SLC25A21: variants seen among roughly 807,000 people sequenced by gnomAD.
SLC25A21 encodes mitochondrial 2-oxodicarboxylate carrier.
In SLC25A21, 47 loss-of-function variants were observed where a neutral mutation model predicts 43.8. The ratio of observed to expected loss-of-function variants is 1.07; its 90% confidence interval spans 0.85 to 1.37. The LOEUF (loss-of-function observed/expected upper bound fraction) is 1.37. Among genes scored for constraint, SLC25A21 ranks in the 40% most tolerant of loss-of-function variants. The probability of loss-of-function intolerance (pLI) is 0.00; values close to 1 mark genes in which losing one functional copy is unlikely to be tolerated. For synonymous variants in SLC25A21, 131 were observed against 121.3 expected, an observed-to-expected ratio of 1.08 and a Z score of -0.52; for missense variants, 352 against 350.2, an observed-to-expected ratio of 1.00 and a Z score of -0.04.
chr14:36,743,139 A>AG (rs1885340333), intron 3 of SLC25A21, among the ~76,000 whole-genome samples: 1 of 152,212 alleles, frequency 6.6e-6, no homozygotes, highest in Non-Finnish European at 1.5e-5. Context: ...GAAAGGCCTT[A>AG]GTGTGATATG....
At chr14:36,751,021 G>A (rs1885688258) in intron 3 of SLC25A21, among the ~76,000 whole-genome samples, 1 of 152,186 alleles carries the variant, frequency 6.6e-6, no homozygotes, top group Non-Finnish European at 1.5e-5. Flanking sequence ...GGGCGGGCTA[G>A]AGGGGCTTTG....
intron 1 of SLC25A21, among the ~76,000 whole-genome samples, chr14:37,127,391 C>G (rs776867201): frequency 6.6e-6 from 1 of 152,186 alleles, no homozygotes; most frequent in Non-Finnish European, 1.5e-5. Flanking sequence ...AGGTACCTAC[C>G]ATTTGATCAA....
intron 1 of SLC25A21, among the ~76,000 whole-genome samples, chr14:37,066,135 A>G (rs1962055913): frequency 6.6e-6 from 1 of 152,160 alleles, no homozygotes; most frequent in Admixed American, 6.5e-5. Flanking sequence ...ATTGGTATCC[A>G]CACTTCCAGA....
At chr14:36,715,870 G>A (rs1389743522) in intron 6 of SLC25A21, among the ~76,000 whole-genome samples, 1 of 152,182 alleles carries the variant, frequency 6.6e-6, no homozygotes, top group Non-Finnish European at 1.5e-5. Flanking sequence ...AAGGAGTGTG[G>A]ATCATGAGGT....
At chr14:37,034,380 G>T (rs546695012) in intron 1 of SLC25A21, among the ~76,000 whole-genome samples, 5 of 152,080 alleles carry the variant, frequency 3.3e-5, no homozygotes, top group Non-Finnish European at 5.9e-5. Flanking sequence ...TTGGATGATC[G>T]TTCTCTGTCT....
At position 36,715,591 on chromosome 14, in the gene SLC25A21, T is replaced by C. The variant is rs189771605; in HGVS notation, c.439-4109A>G. 4.8e-4 allele frequency among the ~76,000 whole-genome samples: 73 copies of C among 152,350 alleles called. 1 individual carries two copies. Among genetic ancestry groups the C allele is most frequent in the Admixed American group, 4.4e-3 (68 of 15,306 alleles). ...GGGCCAAATTGCACTCTAACTTTCC[T>C]GGTTGTACCTTCATTGACTGCACCC... On this transcript the variant is annotated intron_variant, in intron 6 of 9. Transcript: ENST00000331299.
chr14:37,098,579 A>C (rs1594792034), intron 1 of SLC25A21: 1 of 152,274 alleles, frequency 6.6e-6, no homozygotes, highest in East Asian at 1.9e-4. Context: ...GTTTTCCAGG[A>C]TACTATCTGC....
intron 1 of SLC25A21, among the ~76,000 whole-genome samples, chr14:36,959,513 C>T (rs1414726479): frequency 2.0e-5 from 3 of 152,026 alleles, no homozygotes; most frequent in Non-Finnish European, 4.4e-5. Context: ...TTTTCCAGGG[C>T]CTGAGGGTTC....
At chr14:37,126,852 C>T (rs1380775100) in intron 1 of SLC25A21, among the ~76,000 whole-genome samples, 2 of 152,248 alleles carry the variant, frequency 1.3e-5, no homozygotes, top group Non-Finnish European at 2.9e-5. Flanking sequence ...GTCAATGGTT[C>T]ATTTTTTATA....
chr14:36,943,474 T>C (rs894990875), intron 1 of SLC25A21, among the ~76,000 whole-genome samples: 3 of 152,186 alleles, frequency 2.0e-5, no homozygotes, highest in Admixed American at 1.3e-4. Flanking sequence ...ATTACAGGCA[T>C]AAGTCACCGC....
intron 3 of SLC25A21, among the ~76,000 whole-genome samples, chr14:36,777,308 C>T (rs1330240955): frequency 6.6e-6 from 1 of 152,004 alleles, no homozygotes; most frequent in East Asian, 1.9e-4. Flanking sequence ...TAGCTTAAGT[C>T]CATCACATCT....
chr14:36,735,368 A>G (rs1334645951), intron 3 of SLC25A21, among the ~76,000 whole-genome samples: 2 of 151,764 alleles, frequency 1.3e-5, no homozygotes, highest in Non-Finnish European at 2.9e-5. Flanking sequence ...TTGTCCTGGA[A>G]TCTTCATATA....
chr14:36,753,554 GT>G (rs34968800), intron 3 of SLC25A21, among the ~76,000 whole-genome samples: 50,063 of 151,972 alleles, frequency 0.33, 9,466 homozygotes, highest in South Asian at 0.53. Context: ...TTCAAAGGCA[GT>G]TTCTTGGGAT....
In SLC25A21 at chr14:37,075,235, T is replaced by G. The variant is rs1962256371; in HGVS notation, c.70+97046A>C. On this transcript the variant is annotated intron_variant, in intron 1 of 9. Coordinates refer to ENST00000331299, the MANE Select transcript of SLC25A21 (RefSeq NM_030631.4). ...CAACATTTCCCCTTTCTTTCTCTGA[T>G]TTACACTTCATGGGTGGTTCTTGGT... Among the ~76,000 whole-genome samples the G allele has an allele frequency of 2.0e-5, 3 of 152,242 alleles. No individual in the cohort carries two copies. The East Asian group carries it at 5.8e-4, about 29-fold the overall frequency.
In SLC25A21 at chr14:36,874,723, C is replaced by T. The variant is rs139942512; in HGVS notation, c.119+233G>A. ...CAATATAGCTACAAATCATATCTTA[C>T]GGTTGTCATATAAAGGCAGTAAAAT... On this transcript the variant is annotated intron_variant, in intron 2 of 9. Transcript: ENST00000331299. Among the ~76,000 whole-genome samples, 121 of 152,284 alleles carry T rather than the reference C, an allele frequency of 7.9e-4. 1 individual carries two copies. The highest frequency in any genetic ancestry group is 2.8e-3 in the African/African-American group (115 of 41,580).
chr14:36,992,377 C>A (rs949909909), intron 1 of SLC25A21, among the ~76,000 whole-genome samples: 7 of 151,974 alleles, frequency 4.6e-5, no homozygotes, highest in African/African-American at 1.7e-4. Context: ...TGCACTCCCC[C>A]GCCTGGGAGA....
intron 1 of SLC25A21, among the ~76,000 whole-genome samples, chr14:37,126,289 G>A (rs1247672512): frequency 6.6e-6 from 1 of 151,956 alleles, no homozygotes; most frequent in Middle Eastern, 3.2e-3. Flanking sequence ...CCATCATCAA[G>A]GCTTGACAAT....
At chr14:37,031,588 T>G (rs1466601511) in intron 1 of SLC25A21, among the ~76,000 whole-genome samples, 1 of 152,172 alleles carries the variant, frequency 6.6e-6, no homozygotes, top group East Asian at 1.9e-4. Flanking sequence ...TGAGACAACT[T>G]CTCAGCTTTC....
chr14:37,083,091 A>G (rs1023596588), intron 1 of SLC25A21, among the ~76,000 whole-genome samples: 2 of 152,212 alleles, frequency 1.3e-5, no homozygotes, highest in African/African-American at 2.4e-5. Context: ...AATTGTTCAC[A>G]GCTGAGAGGC....
Sources: allele counts gnomAD v4.1 joint callset (sites outside exome capture counted in the v4.1 genomes callset), GRCh38; gene constraint gnomAD v4.1.1; transcripts MANE v1.5; gene names NCBI Gene and HGNC (gene_info 2026-07-23, HGNC 2026-07-21).